Variants in EBPL observed in about 807,000 individuals in gnomAD.
EBPL encodes EBP like.
A neutral mutation model predicts 19.0 loss-of-function variants in EBPL; 20 were observed. The observed-to-expected ratio is 1.05, with a 90% confidence interval of 0.74 to 1.53. The LOEUF (loss-of-function observed/expected upper bound fraction) is 1.53. EBPL is among the 40% of genes most tolerant of loss of function. EBPL has a pLI of 0.00. For missense variants in EBPL, 219 were observed against 261.1 expected (o/e 0.84, Z 1.11); for synonymous variants, 107 against 117.0 (o/e 0.91, Z 0.55).
At chr13:49,674,794 C>A (rs576328700) in intron 1 of EBPL, among the ~76,000 whole-genome samples, 3 of 152,158 alleles carry the variant, frequency 2.0e-5, no homozygotes, top group African/African-American at 7.2e-5. Context: ...GGGATGGAGC[C>A]CAGAGGATGG....
At position 49,660,826 on chromosome 13, in the gene EBPL, A is replaced by T; in HGVS notation, c.*142T>A. ...AATACAACGAAAACTGGTCGCCTTA[A>T]AACCAATTTGAAACAGGTTGTTCAG... is the stretch of plus-strand genomic sequence containing the variant. On this transcript the variant is annotated 3_prime_UTR_variant, in exon 4 of 4. Coordinates refer to ENST00000242827, the MANE Select transcript of EBPL (RefSeq NM_032565.5). 1.4e-6 allele frequency: 1 copy of T among 727,284 alleles called. No individual in the cohort carries two copies. Among genetic ancestry groups the T allele is most frequent in the Non-Finnish European group, 2.2e-6 (1 of 450,862 alleles). The allele number at this position is 727,284 out of a possible 1,614,324, so 45.1% of individuals were successfully genotyped here.
Position 49,669,789 on chromosome 13 carries a change from T to A in EBPL, c.229A>T (p.Ile77Phe). The change falls in exon 2 of 4, where the codon ATT becomes TTT. Residue 77 changes from isoleucine to phenylalanine, a missense_variant. Around this residue, in one of 2 missense-constraint regions of EBPL, gnomAD observed 170 missense variants for 167.0 expected, o/e 1.02. Transcript: ENST00000242827. ...VGNVANSDGL[I>F]ASLWKEYGKA... ...TTTAATTACTTACATAAAGAAGCAA[T>A]CAAGCCATCGGAATTTGCAACGTTT... is the stretch of plus-strand genomic sequence containing the variant. 6.2e-7 allele frequency: 1 copy of A among 1,614,044 alleles called. No individual in the cohort carries two copies.
intron 2 of EBPL, among the ~76,000 whole-genome samples, chr13:49,669,483 AT>A (rs555554453): frequency 4.7e-4 from 72 of 152,322 alleles, no homozygotes; most frequent in South Asian, 1.9e-3. Context: ...ACCTATTTAA[AT>A]AATTGGTTTT....
At position 49,663,833 on chromosome 13, in the gene EBPL, G is replaced by C. The variant is rs138736881; in HGVS notation, c.242-638C>G. ...GCACCTGCAGTCCCAGCTGAGGCAG[G>C]AGAATGGCATGAACCCAGGAGGCGG... On this transcript the variant is annotated intron_variant, in intron 2 of 3. Transcript: ENST00000242827. Among the ~76,000 whole-genome samples the C allele has an allele frequency of 4.3e-3, 656 of 152,028 alleles. 6 individuals carry two copies. The highest frequency in any genetic ancestry group is 0.015 in the African/African-American group (623 of 41,446).
At chr13:49,687,205 T>TA in intron 1 of EBPL, among the ~76,000 whole-genome samples, 1 of 152,344 alleles carries the variant, frequency 6.6e-6, no homozygotes, top group South Asian at 2.1e-4. Context: ...GCTCAGGGCC[T>TA]AAGCCCCAAG....
chr13:49,663,449 G>A (rs138321320), intron 2 of EBPL, among the ~76,000 whole-genome samples: 15 of 152,116 alleles, frequency 9.9e-5, no homozygotes, highest in African/African-American at 3.4e-4. Flanking sequence ...TCACATACAC[G>A]CCCTCCTCAG....
Position 49,673,994 on chromosome 13 carries a change from A to C in EBPL, c.172-4148T>G, listed in dbSNP as rs1953848829. On this transcript the variant is annotated intron_variant, in intron 1 of 3. Coordinates refer to ENST00000242827, the MANE Select transcript of EBPL (RefSeq NM_032565.5). ...ACACACACACACACACACACACACC[A>C]CACAAAGAAACTGACAGTCTGAAAA... Among the ~76,000 whole-genome samples, 5 of 105,250 alleles carry C rather than the reference A, an allele frequency of 4.8e-5. No individual in the cohort carries two copies. The South Asian group carries it at 1.5e-3, about 31-fold the overall frequency. 69.0% of individuals were successfully genotyped at this position (105,250 alleles called of 152,430 possible).
chr13:49,661,748 C>T, intron 3 of EBPL: 2 of 1,474,956 alleles, frequency 1.4e-6, no homozygotes, highest in Non-Finnish European at 1.8e-6. Context: ...CGTCAAGGTA[C>T]CAAGGAAAAA....
intron 1 of EBPL, among the ~76,000 whole-genome samples, chr13:49,683,395 G>T (rs1953962931): frequency 6.6e-6 from 1 of 152,058 alleles, no homozygotes; most frequent in Non-Finnish European, 1.5e-5. Context: ...TGGGCATGGG[G>T]GCAGGCACCT....
intron 1 of EBPL, among the ~76,000 whole-genome samples, chr13:49,683,211 G>A (rs1371937603): frequency 6.6e-6 from 1 of 151,898 alleles, no homozygotes; most frequent in Non-Finnish European, 1.5e-5. Context: ...CCAACCTCAG[G>A]TGATCCGCCC....
rs200094541 is a variant in EBPL at position 49,691,420 on chromosome 13, C to A, written c.5G>T (p.Gly2Val). 47 of 1,341,212 alleles carry A rather than the reference C, an allele frequency of 3.5e-5. No homozygotes were observed. The highest frequency in any genetic ancestry group is 4.6e-4 in the Middle Eastern group (2 of 4,322). 83.1% of individuals were successfully genotyped at this position (1,341,212 alleles called of 1,614,324 possible). The change falls in exon 1 of 4, where the codon GGC (glycine) becomes GTC (valine). Residue 2 changes from glycine to valine, a missense_variant. Gly to Val is a moderately radical substitution (Grantham distance 109). Around this residue, in one of 2 missense-constraint regions of EBPL, gnomAD observed 170 missense variants for 167.0 expected, o/e 1.02. Transcript: ENST00000242827. M[G>V]AEWELGAEAG... ...CTCGGCCCCCAGCTCCCACTCAGCG[C>A]CCATGCTTCAGGCTTCCGACGCCAA...
intron 2 of EBPL, among the ~76,000 whole-genome samples, chr13:49,665,890 C>T (rs920220692): frequency 5.3e-5 from 8 of 152,150 alleles, no homozygotes; most frequent in Admixed American, 2.6e-4. Flanking sequence ...AGCCAGACTA[C>T]GAACTTCAGG....
chr13:49,669,321 C>T (rs146478743), intron 2 of EBPL, among the ~76,000 whole-genome samples: 2 of 152,304 alleles, frequency 1.3e-5, no homozygotes, highest in East Asian at 3.9e-4. Flanking sequence ...CCGCCTCAGC[C>T]TCCTGAGTAG....
intron 1 of EBPL, among the ~76,000 whole-genome samples, chr13:49,676,370 C>A (rs1005417840): frequency 2.0e-5 from 3 of 152,004 alleles, no homozygotes; most frequent in Admixed American, 2.0e-4. Context: ...GGCGGACGGA[C>A]CACAAGGTCA....
intron 1 of EBPL, among the ~76,000 whole-genome samples, chr13:49,684,445 TG>T (rs1953975945): frequency 6.6e-6 from 1 of 152,202 alleles, no homozygotes; most frequent in South Asian, 2.1e-4. Context: ...CCGAGGCAGC[TG>T]GATCACTTGA....
intron 1 of EBPL, among the ~76,000 whole-genome samples, chr13:49,678,143 G>A (rs1953897759): frequency 6.6e-6 from 1 of 152,354 alleles, no homozygotes; most frequent in East Asian, 1.9e-4. Context: ...CGTTTTGACA[G>A]GGTGCTGTTT....
intron 1 of EBPL, among the ~76,000 whole-genome samples, chr13:49,683,546 C>A (rs143340677): frequency 0.36 from 24,519 of 67,380 alleles, 2,802 homozygotes; most frequent in East Asian, 0.69. Context: ...AACAAACAAA[C>A]AAAAAAAACA....
At chr13:49,663,671 C>T (rs1402991689) in intron 2 of EBPL, among the ~76,000 whole-genome samples, 1 of 152,206 alleles carries the variant, frequency 6.6e-6, no homozygotes, top group Non-Finnish European at 1.5e-5. Flanking sequence ...GGCACGGTGG[C>T]TCACACCTGT....
chr13:49,687,491 G>T (rs1287557053), intron 1 of EBPL, among the ~76,000 whole-genome samples: 1 of 152,134 alleles, frequency 6.6e-6, no homozygotes, highest in Non-Finnish European at 1.5e-5. Flanking sequence ...TCTGAGCAAA[G>T]ACATTTATAT....
Sources: allele counts gnomAD v4.1 joint callset (sites outside exome capture counted in the v4.1 genomes callset), GRCh38; gene constraint gnomAD v4.1.1; regional missense constraint gnomAD v4.1.1; transcripts MANE v1.5; gene names NCBI Gene and HGNC (gene_info 2026-07-23, HGNC 2026-07-21).